The following ANXA11 variants were observed in gnomAD, a reference collection of about 807,000 sequenced individuals.
ANXA11 encodes 56 kDa autoantigen.
In ANXA11, 57 loss-of-function variants were observed where a neutral mutation model predicts 64.7. The observed-to-expected ratio is 0.88, with a 90% CI of 0.71 to 1.10. The LOEUF (loss-of-function observed/expected upper bound fraction) is 1.10, where lower values mean the gene tolerates loss of function less well. Among genes scored for constraint, ANXA11 ranks in the 50% least tolerant of loss-of-function variants. The probability of loss-of-function intolerance (pLI) is 0.00; values close to 1 mark genes in which losing one functional copy is unlikely to be tolerated. For missense variants in ANXA11, 675 were observed against 670.7 expected (o/e 1.01, Z -0.07); for synonymous variants, 260 against 265.2 (o/e 0.98, Z 0.19).
At chr10:80,173,355 CTGGT>C (rs1204448415) in intron 2 of ANXA11, among the ~76,000 whole-genome samples, 4 of 152,230 alleles carry the variant, frequency 2.6e-5, no homozygotes, top group African/African-American at 4.8e-5. Context: ...TCTCCAACCT[CTGGT>C]TCATCAGGCA....
intron 1 of ANXA11, among the ~76,000 whole-genome samples, chr10:80,192,603 T>C (rs994702766): frequency 5.9e-5 from 9 of 152,210 alleles, no homozygotes; most frequent in East Asian, 1.9e-4. Context: ...ATTGTGAAAT[T>C]TGAGAAGAGA....
At chr10:80,202,204 A>AGGGGGGGG (rs143388172) in intron 1 of ANXA11, among the ~76,000 whole-genome samples, 17 of 91,392 alleles carry the variant, frequency 1.9e-4, no homozygotes, top group Non-Finnish European at 2.4e-4. Flanking sequence ...GTGGGGGGGA[A>AGGGGGGGG]GCGGGGGGTC....
At chr10:80,203,187 C>A (rs946361152) in intron 1 of ANXA11, among the ~76,000 whole-genome samples, 4 of 152,156 alleles carry the variant, frequency 2.6e-5, no homozygotes, top group African/African-American at 9.7e-5. Context: ...CCTGCCCACA[C>A]CAGTTTCTTT....
chr10:80,176,278 T>A (rs1354936099), intron 1 of ANXA11, 123 bp from the exon 2 acceptor site: 1 of 152,224 alleles, frequency 6.6e-6, no homozygotes, highest in Non-Finnish European at 1.5e-5. Flanking sequence ...ACTCTGTAGC[T>A]ATTTCTGGAT....
chr10:80,159,033 G>T, intron 13 of ANXA11, 67 bp downstream of exon 13: 2 of 1,220,806 alleles, frequency 1.6e-6, no homozygotes, highest in South Asian at 2.4e-5. Context: ...GAGGACAGGC[G>T]AGCAGCCTGA....
chr10:80,197,311 A>G (rs1840210719), intron 1 of ANXA11, among the ~76,000 whole-genome samples: 1 of 152,212 alleles, frequency 6.6e-6, no homozygotes. Flanking sequence ...TAAACCCCGG[A>G]AAGAGAAGAA....
chr10:80,169,183 C>G lies in ANXA11; in HGVS notation c.347G>C (p.Arg116Thr), dbSNP rs1845871599. The change falls in exon 5 of 16, where the codon AGG (arginine) becomes ACG (threonine). Residue 116 changes from arginine to threonine, a missense_variant. Arg to Thr is a moderately conservative substitution (Grantham distance 71, BLOSUM62 -1). Coordinates refer to ENST00000422982, the MANE Select transcript of ANXA11 (RefSeq NM_145868.2). ...TGGGTATGGCGGATATGAGGGCATCCTGGAGGGTGGGTTTCCTCCTGGGGG... is the reference window on the plus strand; with the variant it reads ...TGGGTATGGCGGATATGAGGGCATCGTGGAGGGTGGGTTTCCTCCTGGGGG... ...YPPPGGNPPS[R>T]MPSYPPYPGA... The G allele has an allele frequency of 6.2e-7, 1 of 1,601,034 alleles. No individual in the cohort carries two copies. The highest frequency in any genetic ancestry group is 8.5e-7 in the Non-Finnish European group (1 of 1,174,736).
intron 3 of ANXA11, chr10:80,171,596 G>T (rs1225323533): frequency 1.0e-6 from 1 of 980,528 alleles, no homozygotes; most frequent in Non-Finnish European, 1.2e-6. Context: ...CTGCTGTGAC[G>T]AAGACTGAGT....
At chr10:80,171,391 A>G (rs1845971483) in intron 3 of ANXA11, 2 of 441,566 alleles carry the variant, frequency 4.5e-6, no homozygotes, top group Non-Finnish European at 3.1e-6. Flanking sequence ...GAGAAGCAGG[A>G]TAAGAGGCTG....
intron 5 of ANXA11, 66 bp from the exon 6 acceptor site, chr10:80,167,379 C>A (rs754926675): frequency 3.1e-5 from 44 of 1,425,444 alleles, no homozygotes; most frequent in Non-Finnish European, 4.2e-5. Flanking sequence ...CAAGGCTGCT[C>A]CACCCCTAGA....
At chr10:80,198,823 C>T (rs1229036508) in intron 1 of ANXA11, among the ~76,000 whole-genome samples, 1 of 152,016 alleles carries the variant, frequency 6.6e-6, no homozygotes, top group South Asian at 2.1e-4. Flanking sequence ...ATACAGGTGG[C>T]GTGGGGAAGA....
chr10:80,180,401 G>T (rs1377224662), intron 1 of ANXA11, among the ~76,000 whole-genome samples: 1 of 152,186 alleles, frequency 6.6e-6, no homozygotes, highest in Non-Finnish European at 1.5e-5. Context: ...TGGGACTCTG[G>T]ACTGTCCTCC....
intron 1 of ANXA11, among the ~76,000 whole-genome samples, chr10:80,186,909 C>G (rs2132468449): frequency 6.6e-6 from 1 of 152,372 alleles, no homozygotes; most frequent in East Asian, 1.9e-4. Context: ...CCACACCAAA[C>G]AGGCTCACAT....
At chr10:80,192,849 T>G (rs773949553) in intron 1 of ANXA11, among the ~76,000 whole-genome samples, 3 of 152,346 alleles carry the variant, frequency 2.0e-5, no homozygotes, top group African/African-American at 7.2e-5. Context: ...GGAATAGAGA[T>G]ATTTGCAGGC....
At chr10:80,175,512 G>C (rs987256967) in intron 2 of ANXA11, among the ~76,000 whole-genome samples, 1 of 151,688 alleles carries the variant, frequency 6.6e-6, no homozygotes, top group African/African-American at 2.4e-5. Flanking sequence ...ATTCCAGCCA[G>C]GCCAAATAAT....
chr10:80,183,355 C>CA (rs1808961511), intron 1 of ANXA11, among the ~76,000 whole-genome samples: 1 of 152,250 alleles, frequency 6.6e-6, no homozygotes, highest in Admixed American at 6.5e-5. Flanking sequence ...GACCCATGGG[C>CA]AAAACCAGGG....
Position 80,157,665 on chromosome 10 carries a change from G to A in ANXA11, c.1434C>T (p.Gly478=). Residue 478 remains glycine, a synonymous_variant, in exon 15 of 16, where the codon GGC becomes GGT. Coordinates refer to ENST00000422982, the MANE Select transcript of ANXA11 (RefSeq NM_145868.2). The part of the protein sequence containing the change: ...DIRSEYKRMY[G]KSLYHDISGD... ...CCGAGATGTCGTGGTACAGCGACTT[G>A]CCGTACATCCGCTTATACTCTGATC... 2 of 1,613,864 alleles carry A rather than the reference G, an allele frequency of 1.2e-6. No individual in the cohort carries two copies. The highest frequency in any genetic ancestry group is 1.7e-6 in the Non-Finnish European group (2 of 1,179,870).
At chr10:80,188,085 A>G (rs1325717384) in intron 1 of ANXA11, among the ~76,000 whole-genome samples, 1 of 151,878 alleles carries the variant, frequency 6.6e-6, no homozygotes, top group East Asian at 1.9e-4. Context: ...TGGCTTTCAC[A>G]ATGTCTACCC....
At chr10:80,161,895 C>T (rs908414775) in intron 12 of ANXA11, 40 bp downstream of exon 12, 9 of 1,536,438 alleles carry the variant, frequency 5.9e-6, no homozygotes, top group Non-Finnish European at 8.1e-6. Flanking sequence ...CCTGACTGCC[C>T]TCATCTAACT....
Sources: gnomAD v4.1 joint callset for allele counts (sites outside exome capture counted in the v4.1 genomes callset) on GRCh38, gnomAD v4.1.1 for gene constraint, MANE v1.5 for transcripts, NCBI Gene and HGNC (gene_info 2026-07-23, HGNC 2026-07-21) for gene names.